The following SOCS4 variants were observed in gnomAD, a reference collection of about 807,000 sequenced individuals.
The protein encoded by SOCS4 is suppressor of cytokine signaling 4, also known as SH2 domain containing SOCS box protein.
In SOCS4, 20 loss-of-function variants were observed where a neutral mutation model predicts 34.1. That is an observed-to-expected ratio of 0.59 (90% CI 0.41 to 0.85). The LOEUF (loss-of-function observed/expected upper bound fraction) is 0.85. SOCS4 is among the 40% of genes least tolerant of loss of function. The pLI, the probability that SOCS4 is intolerant of heterozygous loss-of-function variation, is 0.00. For missense variants in SOCS4, 479 were observed against 532.4 expected, an observed-to-expected ratio of 0.90 and a Z score of 0.99; for synonymous variants, 180 against 186.4, an observed-to-expected ratio of 0.97 and a Z score of 0.28.
Position 55,027,275 on chromosome 14 carries a change from A to T in SOCS4, c.-416A>T, listed in dbSNP as rs977086083. On this transcript the variant is annotated 5_prime_UTR_variant, in exon 1 of 3. It removes an upstream start codon present in the reference 5' UTR. Transcript: ENST00000555846. ...GGCGCCCAGGGAACCGGCGGAGGCGATGACCGTGACGGCTGGGTTGGGACC... is the reference window on the plus strand; with the variant it reads ...GGCGCCCAGGGAACCGGCGGAGGCGTTGACCGTGACGGCTGGGTTGGGACC... 2.5e-5 allele frequency: 5 copies of T among 196,800 alleles called. No individual in the cohort carries two copies. The highest frequency in any genetic ancestry group is 9.2e-5 in the South Asian group (1 of 10,812). 12.2% of individuals were successfully genotyped at this position (196,800 alleles called of 1,614,324 possible). A position where few individuals can be genotyped will look rare whatever the true frequency, so the allele number is the denominator to read the frequency against.
intron 2 of SOCS4, among the ~76,000 whole-genome samples, chr14:55,037,069 A>G (rs1414305197): frequency 1.3e-5 from 2 of 152,034 alleles, no homozygotes; most frequent in Non-Finnish European, 2.9e-5. Context: ...GTGAGCTGAG[A>G]TCAGTGCCAC....
chr14:55,043,934 C>G lies in SOCS4; in HGVS notation c.893C>G (p.Ala298Gly). Residue 298 changes from alanine to glycine, a missense_variant, in exon 3 of 3, where the codon GCA becomes GGA. Coordinates refer to ENST00000555846, the MANE Select transcript of SOCS4 (RefSeq NM_199421.2). ...WGVMDKYAAE[A>G]LLEGKPEGTF... is the part of the protein sequence containing the mutation. ...GTGATGGATAAATACGCAGCCGAAG[C>G]ACTACTGGAAGGAAAACCAGAGGGT... The G allele has an allele frequency of 6.2e-7, 1 of 1,614,100 alleles. No homozygotes were observed. The highest frequency in any genetic ancestry group is 8.5e-7 in the Non-Finnish European group (1 of 1,179,994).
chr14:55,028,764 A>G (rs376280112), intron 1 of SOCS4, among the ~76,000 whole-genome samples: 3 of 152,176 alleles, frequency 2.0e-5, no homozygotes, highest in Non-Finnish European at 2.9e-5. Flanking sequence ...TTTTGCATGT[A>G]TGGTAAAAGC....
rs997128489 is a variant in SOCS4 at position 55,047,439 on chromosome 14, A to G, written c.*3075A>G. ...TTTAAGGTTCCTTTAGCATTTTTGT[A>G]TAGAGTTATATGTGATCTTTCTATA... On this transcript the variant is annotated 3_prime_UTR_variant, in exon 3 of 3. Coordinates refer to ENST00000555846, the MANE Select transcript of SOCS4 (RefSeq NM_199421.2). 1.8e-5 allele frequency: 3 copies of G among 166,980 alleles called. No homozygotes were observed. The highest frequency in any genetic ancestry group is 7.2e-5 in the African/African-American group (3 of 41,432). 10.3% of individuals were successfully genotyped at this position (166,980 alleles called of 1,614,324 possible). A position where few individuals can be genotyped will look rare whatever the true frequency, so the allele number is the denominator to read the frequency against.
chr14:55,037,790 G>A (rs1033938191), intron 2 of SOCS4, among the ~76,000 whole-genome samples: 3 of 152,134 alleles, frequency 2.0e-5, no homozygotes, highest in Non-Finnish European at 2.9e-5. Context: ...CACTGTGCCC[G>A]GCCCCTACCT....
Sources: allele counts gnomAD v4.1 joint callset (sites outside exome capture counted in the v4.1 genomes callset), GRCh38; gene constraint gnomAD v4.1.1; transcripts MANE v1.5; gene names NCBI Gene and HGNC (gene_info 2026-07-23, HGNC 2026-07-21).